DRC12: variants seen among roughly 807,000 people sequenced by gnomAD.
DRC12 encodes the protein dynein regulatory complex protein 12.
the DRC12 span, chr11:119,193,532 C>G: frequency 7.3e-7 from 1 of 1,371,682 alleles, no homozygotes; most frequent in African/African-American, 1.5e-5. Flanking sequence ...GTATCCTACA[C>G]AGCATCAAGC....
the DRC12 span, chr11:119,193,007 G>A: frequency 2.8e-6 from 2 of 716,580 alleles, no homozygotes; most frequent in Non-Finnish European, 5.0e-6. Context: ...AGTCCTCAGT[G>A]GTGGAGGGTC....
chr11:119,191,845 A>G, the DRC12 span, among the ~76,000 whole-genome samples: 2 of 152,064 alleles, frequency 1.3e-5, no homozygotes, highest in East Asian at 3.8e-4. Flanking sequence ...CCCCAAAACA[A>G]CAACAGCAAA....
the DRC12 span, among the ~76,000 whole-genome samples, chr11:119,191,081 T>C: frequency 4.6e-5 from 7 of 151,588 alleles, no homozygotes; most frequent in African/African-American, 1.7e-4. Flanking sequence ...TGCATGTCTC[T>C]TTCTGAGCCT....
the DRC12 span, chr11:119,193,129 C>T: frequency 6.2e-7 from 1 of 1,603,744 alleles, no homozygotes; most frequent in Non-Finnish European, 8.5e-7. Flanking sequence ...AGAGAAGGGG[C>T]TTGGAGGGTG....
At chr11:119,190,461 A>G in the DRC12 span, 1 of 1,613,934 alleles carries the variant, frequency 6.2e-7, no homozygotes, top group Non-Finnish European at 8.5e-7. This position sits in a 1 kb window ranked among gnomAD's most constrained non-coding sequence, Gnocchi z 4.2. Context: ...TCCTGCAGAC[A>G]TCAATATTTC....
chr11:119,193,158 C>A, the DRC12 span: 2 of 1,613,926 alleles, frequency 1.2e-6, no homozygotes, highest in Non-Finnish European at 1.7e-6. Context: ...TACCTAGCTG[C>A]CCCCGAAGGC....
At chr11:119,192,559 T>G in the DRC12 span, among the ~76,000 whole-genome samples, 25 of 152,324 alleles carry the variant, frequency 1.6e-4, no homozygotes, top group African/African-American at 6.0e-4. Flanking sequence ...GGGAATATGT[T>G]TTGCTCACAA....
At chr11:119,193,705 CCT>C in the DRC12 span, 5 of 1,541,024 alleles carry the variant, frequency 3.2e-6, no homozygotes, top group African/African-American at 6.9e-5. Flanking sequence ...ATCAACTGAC[CCT>C]GTTGGTTGTC....
the DRC12 span, among the ~76,000 whole-genome samples, chr11:119,191,061 G>A: frequency 6.6e-6 from 1 of 151,922 alleles, no homozygotes; most frequent in African/African-American, 2.4e-5. Context: ...TTACTACCTA[G>A]GTGACCACAT....
At chr11:119,194,529 A>AT in the DRC12 span, among the ~76,000 whole-genome samples, 84 of 136,734 alleles carry the variant, frequency 6.1e-4, 1 homozygote, top group East Asian at 4.6e-3. Flanking sequence ...AAAAAAAAAA[A>AT]AAAAAAAAAA....
the DRC12 span, chr11:119,195,426 C>T: frequency 1.3e-6 from 2 of 1,551,258 alleles, no homozygotes; most frequent in Non-Finnish European, 1.7e-6. Flanking sequence ...TGACTCACCC[C>T]AGTTCTTTTT....
the DRC12 span, chr11:119,193,246 G>A: frequency 1.2e-6 from 2 of 1,613,732 alleles, no homozygotes; most frequent in Admixed American, 3.3e-5. Flanking sequence ...ACTCATCTCT[G>A]GGGTGGGGGC....
At chr11:119,195,725 T>G in the DRC12 span, 1 of 499,978 alleles carries the variant, frequency 2.0e-6, no homozygotes, top group East Asian at 3.5e-5. Flanking sequence ...TCCTTGCAAC[T>G]CTCTTTTAGA....
At chr11:119,195,246 G>A in the DRC12 span, 1 of 654,114 alleles carries the variant, frequency 1.5e-6, no homozygotes, top group Non-Finnish European at 2.7e-6. Context: ...GGAGAGCGTG[G>A]GTGACCATTT....
chr11:119,194,365 T>A, the DRC12 span, among the ~76,000 whole-genome samples: 1 of 151,512 alleles, frequency 6.6e-6, no homozygotes, highest in Non-Finnish European at 1.5e-5. Context: ...ATACAAAAAT[T>A]AGCCAGGTGT....
At chr11:119,190,870 G>A in the DRC12 span, 2 of 1,603,306 alleles carry the variant, frequency 1.2e-6, no homozygotes, top group Non-Finnish European at 1.7e-6. This position sits in a 1 kb window ranked among gnomAD's most constrained non-coding sequence, Gnocchi z 4.2. Flanking sequence ...AAGAGAGCAG[G>A]ATGGTGACAC....
the DRC12 span, chr11:119,193,491 G>A: frequency 3.3e-6 from 4 of 1,220,642 alleles, no homozygotes; most frequent in African/African-American, 4.6e-5. Context: ...CCGCCCATGG[G>A]CTGATTGAGA....
the DRC12 span, among the ~76,000 whole-genome samples, chr11:119,194,172 G>A: frequency 6.6e-6 from 1 of 152,038 alleles, no homozygotes; most frequent in South Asian, 2.1e-4. Context: ...ATTGCTTGAG[G>A]CCAGGAGTTT....
chr11:119,195,064 C>A, the DRC12 span: 1 of 1,323,934 alleles, frequency 7.6e-7, no homozygotes, highest in South Asian at 1.3e-5. Context: ...CACATCCTCA[C>A]CCCACACCCT....
Sources: gnomAD v4.1 joint callset for allele counts (sites outside exome capture counted in the v4.1 genomes callset) on GRCh38, gnomAD v4.1.1 for gene constraint, Gnocchi (gnomAD v3.1) non-coding constraint, MANE v1.5 for transcripts, NCBI Gene and HGNC (gene_info 2026-07-23, HGNC 2026-07-21) for gene names.